The following ICE2 variants were observed in gnomAD, a reference collection of about 807,000 sequenced individuals.
ICE2 encodes interactor of little elongation complex ELL subunit 2, also known as little elongation complex subunit 2.
In ICE2, 87 loss-of-function variants were observed where a neutral mutation model predicts 105.4. The ratio of observed to expected loss-of-function variants is 0.83; its 90% CI spans 0.69 to 0.99. The LOEUF is 0.99. Ranked by LOEUF, ICE2 falls within the 50% of genes least tolerant of loss-of-function variation. ICE2 has a pLI of 0.00. For synonymous variants in ICE2, 399 were observed against 392.0 expected, an observed-to-expected ratio of 1.02 and a Z score of -0.21; for missense variants, 1,323 against 1,146.7, an observed-to-expected ratio of 1.15 and a Z score of -2.22.
intron 5 of ICE2, among the ~76,000 whole-genome samples, chr15:60,464,699 G>A (rs1298806767): frequency 6.6e-6 from 1 of 152,078 alleles, no homozygotes; most frequent in African/African-American, 2.4e-5. Context: ...TGGGAGGGAG[G>A]GGAGAGATCA....
chr15:60,464,540 C>T (rs959934861), intron 5 of ICE2, among the ~76,000 whole-genome samples: 5 of 152,086 alleles, frequency 3.3e-5, no homozygotes, highest in African/African-American at 9.7e-5. Context: ...CGCAGAAATC[C>T]GGGGAATAGA....
At chr15:60,454,895 A>C in intron 8 of ICE2, 108 bp downstream of exon 8, 1 of 1,001,890 alleles carries the variant, frequency 1.0e-6, no homozygotes, top group Non-Finnish European at 1.4e-6. Flanking sequence ...GTGTTGTTTC[A>C]CTCTCTGGGT....
rs886404011 is a variant in ICE2, at chr15:60,479,066, C to T, written c.-156G>A. 12 of 453,054 alleles carry T rather than the reference C, an allele frequency of 2.6e-5. No individual in the cohort carries two copies. Among genetic ancestry groups the T allele is most frequent in the Non-Finnish European group, 4.9e-5 (11 of 224,790 alleles). The allele number at this position is 453,054 out of a possible 1,614,324, so 28.1% of individuals were successfully genotyped here. On this transcript the variant is annotated 5_prime_UTR_variant, in exon 1 of 16. Transcript: ENST00000261520. Reference sequence around the variant, plus strand: ...CACACCACACACGCTCCACCCCACTCCTCACATTGTCGCGCGCGCCCAAAA... The same window carrying T: ...CACACCACACACGCTCCACCCCACTTCTCACATTGTCGCGCGCGCCCAAAA...
chr15:60,451,651 A>C, intron 9 of ICE2: 1 of 977,260 alleles, frequency 1.0e-6, no homozygotes, highest in Non-Finnish European at 1.2e-6. Context: ...TTTTACTCCA[A>C]GTTCAGGGCC....
chr15:60,461,670 A>T (rs557607345), intron 5 of ICE2, among the ~76,000 whole-genome samples: 1 of 152,182 alleles, frequency 6.6e-6, no homozygotes, highest in South Asian at 2.1e-4. Context: ...TTGTGAGTGT[A>T]ATGTGGGATA....
chr15:60,450,713 G>T (rs943854919), intron 9 of ICE2, among the ~76,000 whole-genome samples: 3 of 152,164 alleles, frequency 2.0e-5, no homozygotes, highest in African/African-American at 7.2e-5. Context: ...AACCTCAACG[G>T]CCTCATCTCT....
At chr15:60,425,590 C>G (rs2063323496) in intron 15 of ICE2, among the ~76,000 whole-genome samples, 1 of 152,154 alleles carries the variant, frequency 6.6e-6, no homozygotes, top group African/African-American at 2.4e-5. Context: ...CAGATGCAGG[C>G]TCTACTGGCA....
At position 60,449,467 on chromosome 15, in the gene ICE2, C is replaced by T. The variant is rs781025035; in HGVS notation, c.1500G>A (p.Lys500=). 6.2e-6 allele frequency: 10 copies of T among 1,614,092 alleles called. No homozygotes were observed. The South Asian group carries it at 8.8e-5, about 14-fold the overall frequency. The change falls in exon 10 of 16, where the codon AAG becomes AAA. Residue 500 remains lysine, a synonymous_variant. Coordinates refer to ENST00000261520, the MANE Select transcript of ICE2 (RefSeq NM_024611.6). ...ESCEKVSNSD[K]PLIQDSDLKT... ...TCAAGTCACTATCTTGTATCAAAGG[C>T]TTGTCAGAATTTGATACCTTTTCAC...
At chr15:60,436,102 A>T in intron 13 of ICE2, 41 bp downstream of exon 13, 2 of 803,008 alleles carry the variant, frequency 2.5e-6, no homozygotes, top group African/African-American at 1.8e-5. Flanking sequence ...TGATCACATT[A>T]ACAAATTTTT....
chr15:60,433,586 G>C (rs1370520408), intron 13 of ICE2, among the ~76,000 whole-genome samples: 1 of 151,730 alleles, frequency 6.6e-6, no homozygotes, highest in African/African-American at 2.4e-5. Flanking sequence ...CCGCTCCTGG[G>C]TTCAAGCGAT....
chr15:60,423,574 T>C lies in ICE2; in HGVS notation c.*60A>G. The C allele has an allele frequency of 6.8e-7, 1 of 1,473,836 alleles. No homozygotes were observed. Among genetic ancestry groups the C allele is most frequent in the Non-Finnish European group, 9.1e-7 (1 of 1,103,308 alleles). The allele number at this position is 1,473,836 out of a possible 1,614,324, so 91.3% of individuals were successfully genotyped here. A position where few individuals can be genotyped will look rare whatever the true frequency, so the allele number is the denominator to read the frequency against. On this transcript the variant is annotated 3_prime_UTR_variant, in exon 16 of 16. Transcript: ENST00000261520. The stretch of plus-strand genomic sequence containing the variant: ...CCTACTGATTATTTTCCCTCAAACT[T>C]ATCTAAATTAAACACTGTTATAACT...
chr15:60,459,472 A>G (rs2064213991), intron 5 of ICE2, among the ~76,000 whole-genome samples: 2 of 152,210 alleles, frequency 1.3e-5, no homozygotes, highest in African/African-American at 4.8e-5. Flanking sequence ...ATAAACAAAA[A>G]TGGAGACTGT....
At chr15:60,442,803 C>A in intron 11 of ICE2, 1 of 259,928 alleles carries the variant, frequency 3.8e-6, no homozygotes, top group East Asian at 8.6e-5. Flanking sequence ...ACATACCTCC[C>A]CACATAGGCA....
chr15:60,433,140 C>T (rs62005030), intron 13 of ICE2, among the ~76,000 whole-genome samples: 17,078 of 151,510 alleles, frequency 0.11, 1,019 homozygotes, highest in Middle Eastern at 0.24. Context: ...GCTGGAGCGC[C>T]AGGCTGGAGC....
chr15:60,456,632 T>C lies in ICE2; in HGVS notation c.666+25A>G, dbSNP rs1006929845. ...ACACTATTTCAGACAAAAAAAAGCT[T>C]ATATCGTCTGATAATAAACCTTACC... On this transcript the variant is annotated intron_variant, in intron 6 of 15. Transcript: ENST00000261520. The C allele has an allele frequency of 2.7e-6, 4 of 1,461,018 alleles. No individual in the cohort carries two copies. The African/African-American group carries it at 4.4e-5, about 16-fold the overall frequency. 90.5% of individuals were successfully genotyped at this position (1,461,018 alleles called of 1,614,324 possible).
chr15:60,471,338 G>A (rs1222714740), intron 3 of ICE2, among the ~76,000 whole-genome samples: 1 of 152,206 alleles, frequency 6.6e-6, no homozygotes, highest in Non-Finnish European at 1.5e-5. Flanking sequence ...GATCTTGGGA[G>A]AAATGTATTA....
rs192926128 is a variant in ICE2, at chr15:60,475,724, T to C, written c.146+339A>G. Among the ~76,000 whole-genome samples the C allele has an allele frequency of 9.2e-5, 14 of 152,288 alleles. No homozygotes were observed. In the East Asian group the frequency reaches 2.1e-3, roughly 23 times the overall value. On this transcript the variant is annotated intron_variant, in intron 3 of 15. Transcript: ENST00000261520. ...CGTGTACACGTTATAAACAGTATACTGCTTAGTACTATACTAAACAATTAT... is the reference window on the plus strand; with the variant it reads ...CGTGTACACGTTATAAACAGTATACCGCTTAGTACTATACTAAACAATTAT...
intron 5 of ICE2, among the ~76,000 whole-genome samples, chr15:60,462,251 C>T (rs970982103): frequency 3.9e-5 from 6 of 152,028 alleles, no homozygotes; most frequent in Admixed American, 2.6e-4. Context: ...ATGAATACAT[C>T]TAGGCAGTGA....
At chr15:60,450,639 G>A (rs1388616261) in intron 9 of ICE2, among the ~76,000 whole-genome samples, 1 of 152,160 alleles carries the variant, frequency 6.6e-6, no homozygotes, top group African/African-American at 2.4e-5. Flanking sequence ...TTAAGAGAAA[G>A]GTTCTAACAG....
Sources: gnomAD v4.1 joint callset for allele counts (sites outside exome capture counted in the v4.1 genomes callset) on GRCh38, gnomAD v4.1.1 for gene constraint, MANE v1.5 for transcripts, NCBI Gene and HGNC (gene_info 2026-07-23, HGNC 2026-07-21) for gene names.